Variants in GPC5 observed in about 807,000 individuals in gnomAD.
The protein encoded by GPC5 is glypican-5.
Under a neutral mutation model 53.9 loss-of-function variants are expected in GPC5, and 47 were observed. The observed-to-expected ratio is 0.87, with a 90% CI of 0.69 to 1.11. The LOEUF is 1.11. Ranked by LOEUF, GPC5 falls within the 50% of genes most tolerant of loss-of-function variation. The pLI is 0.00. For synonymous variants in GPC5, 286 were observed against 263.3 expected (o/e 1.09, Z -0.84); for missense variants, 748 against 713.1 (o/e 1.05, Z -0.56).
At chr13:92,767,854 C>T (rs200617561) in intron 7 of GPC5, among the ~76,000 whole-genome samples, 1 of 152,148 alleles carries the variant, frequency 6.6e-6, no homozygotes. Context: ...CCAGTTGACA[C>T]CCACCCTAGA....
intron 7 of GPC5, among the ~76,000 whole-genome samples, chr13:92,645,853 A>ACT (rs143264645): frequency 6.6e-6 from 1 of 151,556 alleles, no homozygotes; most frequent in Non-Finnish European, 1.5e-5. Flanking sequence ...TATTTTACCT[A>ACT]ATTTTTTTAA....
At chr13:91,874,694 A>ACTAC (rs2039183367) in intron 5 of GPC5, among the ~76,000 whole-genome samples, 1 of 152,182 alleles carries the variant, frequency 6.6e-6, no homozygotes, top group African/African-American at 2.4e-5. Context: ...AGGCAACCAA[A>ACTAC]CTACCTCTGC....
intron 6 of GPC5, among the ~76,000 whole-genome samples, chr13:92,139,821 A>G (rs2041816813): frequency 6.6e-6 from 1 of 152,196 alleles, no homozygotes; most frequent in Non-Finnish European, 1.5e-5. Flanking sequence ...AAGAGAAAAC[A>G]CTATTCCATT....
chr13:91,792,866 T>C (rs1464033588), intron 5 of GPC5, among the ~76,000 whole-genome samples: 2 of 152,196 alleles, frequency 1.3e-5, no homozygotes, highest in Non-Finnish European at 2.9e-5. Context: ...CAGCATGTGG[T>C]TGCCGCGTGA....
chr13:92,613,164 A>C (rs1227869322), intron 7 of GPC5, among the ~76,000 whole-genome samples: 1 of 146,760 alleles, frequency 6.8e-6, no homozygotes, highest in African/African-American at 2.5e-5. Context: ...ATGATAAGGA[A>C]AAAAATAATC....
In GPC5 at chr13:92,785,689, T is replaced by C. The variant is rs1341068165; in HGVS notation, c.1562-80593T>C. ...GCTTAGTCTATGAAAAGGTGCTATGTATCCAGGACAGCGTCTAGGATATGG... is the reference window on the plus strand; with the variant it reads ...GCTTAGTCTATGAAAAGGTGCTATGCATCCAGGACAGCGTCTAGGATATGG... On this transcript the variant is annotated intron_variant, in intron 7 of 7. Coordinates refer to ENST00000377067, the MANE Select transcript of GPC5 (RefSeq NM_004466.6). 6.6e-5 allele frequency among the ~76,000 whole-genome samples: 10 copies of C among 152,348 alleles called. No homozygotes were observed. In the East Asian group the frequency reaches 7.7e-4, roughly 12 times the overall value.
intron 5 of GPC5, among the ~76,000 whole-genome samples, chr13:91,879,864 G>A (rs540596593): frequency 1.3e-5 from 2 of 152,232 alleles, no homozygotes; most frequent in African/African-American, 4.8e-5. Context: ...TTCTCAGGAA[G>A]TGTAGAATTC....
intron 7 of GPC5, among the ~76,000 whole-genome samples, chr13:92,649,924 C>T (rs1038787298): frequency 2.0e-5 from 3 of 151,990 alleles, no homozygotes; most frequent in African/African-American, 7.2e-5. Context: ...TAGGCAAGTC[C>T]ATTGTACTCA....
intron 7 of GPC5, among the ~76,000 whole-genome samples, chr13:92,350,996 A>G (rs934623478): frequency 6.6e-6 from 1 of 152,048 alleles, no homozygotes; most frequent in Non-Finnish European, 1.5e-5. Context: ...TACAAAAAAG[A>G]CTATTTCAGT....
intron 7 of GPC5, among the ~76,000 whole-genome samples, chr13:92,323,533 CATAT>C (rs2043229996): frequency 1.3e-5 from 2 of 151,482 alleles, no homozygotes; most frequent in African/African-American, 2.4e-5. Context: ...TAAATGTAGG[CATAT>C]ATAATATATT....
intron 6 of GPC5, among the ~76,000 whole-genome samples, chr13:91,908,770 T>A (rs1375220339): frequency 2.6e-5 from 4 of 152,150 alleles, no homozygotes; most frequent in Non-Finnish European, 5.9e-5. Context: ...AAAGGCTATT[T>A]TTTTTTTAGT....
At chr13:92,187,144 C>T (rs2042190047) in intron 7 of GPC5, among the ~76,000 whole-genome samples, 1 of 151,888 alleles carries the variant, frequency 6.6e-6, no homozygotes, top group South Asian at 2.1e-4. Flanking sequence ...TGAAACTGTT[C>T]ACTCAGCATG....
At chr13:92,280,597 T>C (rs1040354074) in intron 7 of GPC5, among the ~76,000 whole-genome samples, 44 of 152,228 alleles carry the variant, frequency 2.9e-4, no homozygotes, top group South Asian at 4.1e-4. Flanking sequence ...GATCTTATTA[T>C]GAACTAAAAA....
intron 5 of GPC5, among the ~76,000 whole-genome samples, chr13:91,861,929 G>A (rs1214500708): frequency 6.6e-6 from 1 of 151,272 alleles, no homozygotes; most frequent in Non-Finnish European, 1.5e-5. Flanking sequence ...CATATACAAT[G>A]TAAAAAACTG....
At chr13:92,287,671 C>A (rs1017716213) in intron 7 of GPC5, among the ~76,000 whole-genome samples, 1 of 152,100 alleles carries the variant, frequency 6.6e-6, no homozygotes, top group Non-Finnish European at 1.5e-5. Flanking sequence ...TTACACATGA[C>A]AAGTTGCTTT....
intron 2 of GPC5, among the ~76,000 whole-genome samples, chr13:91,455,596 A>C (rs1200544311): frequency 6.6e-6 from 1 of 152,144 alleles, no homozygotes; most frequent in Non-Finnish European, 1.5e-5. Flanking sequence ...TTTCTGTCCT[A>C]GGTACAGATA....
intron 7 of GPC5, among the ~76,000 whole-genome samples, chr13:92,736,577 C>T (rs891207970): frequency 3.3e-5 from 5 of 151,910 alleles, no homozygotes; most frequent in African/African-American, 4.8e-5. Flanking sequence ...CTCAAACAAG[C>T]TGTCCCTGAG....
At chr13:92,623,891 C>G (rs560992442) in intron 7 of GPC5, among the ~76,000 whole-genome samples, 4 of 151,882 alleles carry the variant, frequency 2.6e-5, no homozygotes, top group African/African-American at 9.6e-5. Flanking sequence ...GAGTTTTGCT[C>G]TTGCCCAGGC....
chr13:92,660,286 C>T (rs958883735), intron 7 of GPC5, among the ~76,000 whole-genome samples: 1 of 151,814 alleles, frequency 6.6e-6, no homozygotes, highest in Non-Finnish European at 1.5e-5. Context: ...AATTCATGTA[C>T]CTAATGCTTT....
Sources: allele counts gnomAD v4.1 joint callset (sites outside exome capture counted in the v4.1 genomes callset), GRCh38; gene constraint gnomAD v4.1.1; transcripts MANE v1.5; gene names NCBI Gene and HGNC (gene_info 2026-07-23, HGNC 2026-07-21).